The following NUMB variants were observed in gnomAD, a reference collection of about 807,000 sequenced individuals.
NUMB encodes NUMB endocytic adaptor protein.
A neutral mutation model predicts 59.7 loss-of-function variants in NUMB; 29 were observed. The observed-to-expected ratio is 0.49, with a 90% CI of 0.36 to 0.66. NUMB has a LOEUF of 0.66. NUMB is among the 30% of genes least tolerant of loss of function. The pLI, the probability that NUMB is intolerant of heterozygous loss-of-function variation, is 0.00. For synonymous variants in NUMB, 288 were observed against 288.2 expected, an observed-to-expected ratio of 1.00 and a Z score of 0.01; for missense variants, 723 against 822.0, an observed-to-expected ratio of 0.88 and a Z score of 1.47.
At chr14:73,450,800 C>A (rs571811595) in intron 1 of NUMB, among the ~76,000 whole-genome samples, 19 of 149,504 alleles carry the variant, frequency 1.3e-4, no homozygotes, top group East Asian at 6.0e-4. Flanking sequence ...AAAAAAAAAA[C>A]AAAACAGAAT....
chr14:73,323,788 T>A (rs1462896341), intron 4 of NUMB, among the ~76,000 whole-genome samples: 3 of 152,212 alleles, frequency 2.0e-5, no homozygotes, highest in Non-Finnish European at 4.4e-5. Context: ...TACATAAAAT[T>A]TGAAGAGGCA....
At chr14:73,282,626 A>C in intron 10 of NUMB, 121 bp from the exon 11 acceptor site, 1 of 1,056,654 alleles carries the variant, frequency 9.5e-7, no homozygotes. Context: ...AGGCTCAATT[A>C]ACTGTATGGC....
chr14:73,432,339 T>C (rs1012634068), intron 1 of NUMB, among the ~76,000 whole-genome samples: 1 of 151,636 alleles, frequency 6.6e-6, no homozygotes, highest in African/African-American at 2.4e-5. Flanking sequence ...GATAGGCAAA[T>C]AACACAAGAA....
At chr14:73,297,671 A>G (rs1889867837) in intron 6 of NUMB, 1 of 170,394 alleles carries the variant, frequency 5.9e-6, no homozygotes, top group Non-Finnish European at 1.2e-5. Flanking sequence ...GAGTTACACC[A>G]CAAGTAGCGT....
intron 2 of NUMB, among the ~76,000 whole-genome samples, chr14:73,397,055 C>A (rs1336837511): frequency 1.3e-5 from 2 of 152,100 alleles, no homozygotes; most frequent in Non-Finnish European, 2.9e-5. Flanking sequence ...ACCCGGGAGG[C>A]AGAGGTTGCA....
At chr14:73,280,255 T>C (rs1005752981) in intron 11 of NUMB, among the ~76,000 whole-genome samples, 1 of 152,240 alleles carries the variant, frequency 6.6e-6, no homozygotes, top group Admixed American at 6.5e-5. Context: ...TTTACATGCA[T>C]CATTTCATTT....
chr14:73,443,085 CT>C (rs1388710902), intron 1 of NUMB, among the ~76,000 whole-genome samples: 6 of 152,154 alleles, frequency 3.9e-5, no homozygotes, highest in Non-Finnish European at 7.3e-5. Context: ...TGATATCAAA[CT>C]CCCAAGCTCA....
At chr14:73,327,794 C>CT (rs1891741280) in intron 4 of NUMB, among the ~76,000 whole-genome samples, 1 of 151,958 alleles carries the variant, frequency 6.6e-6, no homozygotes, top group Non-Finnish European at 1.5e-5. Context: ...GTTTAGAGGT[C>CT]TATGAGATTT....
intron 4 of NUMB, among the ~76,000 whole-genome samples, chr14:73,353,856 T>C (rs913317840): frequency 7.2e-5 from 11 of 152,070 alleles, no homozygotes; most frequent in Non-Finnish European, 1.6e-4. Flanking sequence ...GCCAACTGTA[T>C]GGTGGGGGAG....
At chr14:73,362,346 C>T (rs940997098) in intron 3 of NUMB, among the ~76,000 whole-genome samples, 4 of 151,798 alleles carry the variant, frequency 2.6e-5, no homozygotes, top group Non-Finnish European at 5.9e-5. Flanking sequence ...GGAGACGATT[C>T]CCAGTTCCAG....
At chr14:73,279,069 C>T (rs1376120046) in intron 12 of NUMB, among the ~76,000 whole-genome samples, 1 of 152,170 alleles carries the variant, frequency 6.6e-6, no homozygotes, top group Non-Finnish European at 1.5e-5. Context: ...CTCTGTTCCA[C>T]AGTCCTGTTC....
chr14:73,437,620 C>A (rs879334346), intron 1 of NUMB, among the ~76,000 whole-genome samples: 1 of 152,154 alleles, frequency 6.6e-6, no homozygotes, highest in African/African-American at 2.4e-5. Context: ...CTGATTAACA[C>A]AATAACATGG....
At position 73,339,663 on chromosome 14, in the gene NUMB, A is replaced by AT. The variant is rs1248820355; in HGVS notation, c.126+15962dup. On this transcript the variant is annotated intron_variant, in intron 4 of 12. Transcript: ENST00000555238. Reference sequence around the variant, plus strand: ...TACCTCAGCCTCCCAAAGTGTTGGGATTACAAGCGTGAGCCACTGTGCCCA... The same window carrying AT: ...TACCTCAGCCTCCCAAAGTGTTGGGATTTACAAGCGTGAGCCACTGTGCCCA... 5.3e-5 allele frequency among the ~76,000 whole-genome samples: 8 copies of AT among 152,216 alleles called. No homozygotes were observed. The East Asian group carries it at 1.5e-3, about 29-fold the overall frequency.
chr14:73,284,011 G>A (rs1888812868), intron 10 of NUMB, 70 bp downstream of exon 10: 1 of 1,384,232 alleles, frequency 7.2e-7, no homozygotes, highest in Non-Finnish European at 1.0e-6. Context: ...TGGGATTAGT[G>A]TCTTCATGGG....
At chr14:73,338,556 A>G (rs981074595) in intron 4 of NUMB, among the ~76,000 whole-genome samples, 12 of 152,330 alleles carry the variant, frequency 7.9e-5, no homozygotes, top group East Asian at 3.9e-4. Flanking sequence ...CTTTTAACAT[A>G]TAAGTTGTAT....
chr14:73,337,807 T>C (rs573938401), intron 4 of NUMB, among the ~76,000 whole-genome samples: 2 of 152,224 alleles, frequency 1.3e-5, no homozygotes, highest in Non-Finnish European at 2.9e-5. Flanking sequence ...AATTTCAATA[T>C]ACAAAGTGGT....
At chr14:73,408,753 T>C (rs1896786171) in intron 2 of NUMB, among the ~76,000 whole-genome samples, 1 of 151,766 alleles carries the variant, frequency 6.6e-6, no homozygotes, top group African/African-American at 2.4e-5. Context: ...GGCACAAGCC[T>C]GGAATCCCAG....
At chr14:73,314,689 CCTT>C (rs1313371298) in intron 6 of NUMB, among the ~76,000 whole-genome samples, 4 of 152,008 alleles carry the variant, frequency 2.6e-5, no homozygotes, top group African/African-American at 9.7e-5. Context: ...TATAACCTGA[CCTT>C]CATCTTATCT....
At chr14:73,304,224 A>G (rs1890299647) in intron 6 of NUMB, among the ~76,000 whole-genome samples, 3 of 152,254 alleles carry the variant, frequency 2.0e-5, no homozygotes, top group Admixed American at 1.3e-4. Context: ...AGCTACGTAC[A>G]GTAAAAGGCA....
Sources: gnomAD v4.1 joint callset for allele counts (sites outside exome capture counted in the v4.1 genomes callset) on GRCh38, gnomAD v4.1.1 for gene constraint, MANE v1.5 for transcripts, NCBI Gene and HGNC (gene_info 2026-07-23, HGNC 2026-07-21) for gene names.